Variants in TRIL observed in about 807,000 individuals in gnomAD.
The protein encoded by TRIL is TLR4 interactor with leucine rich repeats.
In TRIL, 23 loss-of-function variants were observed where a neutral mutation model predicts 43.0. The observed-to-expected ratio is 0.54, with a 90% CI of 0.39 to 0.76. TRIL has a LOEUF of 0.76. Ranked by LOEUF, TRIL falls within the 30% of genes least tolerant of loss-of-function variation. The probability of loss-of-function intolerance (pLI) is 0.00; values close to 1 mark genes in which losing one functional copy is unlikely to be tolerated. For synonymous variants in TRIL, 602 were observed against 556.8 expected, an observed-to-expected ratio of 1.08 and a Z score of -1.14; for missense variants, 1,114 against 1,139.3, an observed-to-expected ratio of 0.98 and a Z score of 0.32.
At position 28,955,893 on chromosome 7, in the gene TRIL, C is replaced by T. The variant is rs1262052271; in HGVS notation, c.2154G>A (p.Ala718=). 6.4e-7 allele frequency: 1 copy of T among 1,550,698 alleles called. No individual in the cohort carries two copies. Among genetic ancestry groups the T allele is most frequent in the Non-Finnish European group, 8.7e-7 (1 of 1,148,092 alleles). The part of the protein sequence containing the change: ...LLVLLALAAW[A]SRWLRRKLRA... ...GCAGTTTCCTACGCAGCCAGCGAGA[C>T]GCCCAGGCCGCCAAGGCCAGGAGCA... The change falls in exon 1 of 1, where the codon GCG becomes GCA. Residue 718 remains alanine (A), a synonymous_variant. Coordinates refer to ENST00000539664, the MANE Select transcript of TRIL (RefSeq NM_014817.4).
chr7:28,955,867 C>G lies in TRIL; in HGVS notation c.2180G>C (p.Arg727Pro), dbSNP rs1321406026. Reference sequence around the variant, plus strand: ...CGGGGCCCCGCCCTTCCGCCTAGCCCGCAGTTTCCTACGCAGCCAGCGAGA... The same window carrying G: ...CGGGGCCCCGCCCTTCCGCCTAGCCGGCAGTTTCCTACGCAGCCAGCGAGA... ...WASRWLRRKL[R>P]ARRKGGAPVH... Residue 727 changes from arginine (R) to proline (P), a missense_variant, in exon 1 of 1, where the codon CGG (arginine) becomes CCG (proline). Physicochemically the swap from Arg to Pro is moderately radical, Grantham distance 103. Transcript: ENST00000539664. 1.3e-6 allele frequency: 2 copies of G among 1,550,044 alleles called. No individual in the cohort carries two copies. The highest frequency in any genetic ancestry group is 1.2e-5 in the South Asian group (1 of 84,038).
chr7:28,953,623 G>A lies in TRIL; in HGVS notation c.*1988C>T, dbSNP rs1308269224. ...TAGTGCTATGATTGAAAAAAGCCAG[G>A]AGCACAAAAGGTGCCAGATAGCTCC... On this transcript the variant is annotated 3_prime_UTR_variant, in exon 1 of 1. Transcript: ENST00000539664. 6.6e-6 allele frequency: 1 copy of A among 152,166 alleles called. No homozygotes were observed. Among genetic ancestry groups the A allele is most frequent in the Non-Finnish European group, 1.5e-5 (1 of 68,038 alleles). The allele number at this position is 152,166 out of a possible 1,614,324, so 9.4% of individuals were successfully genotyped here.
rs1019526048 is a variant in TRIL, at chr7:28,955,457, T to C, written c.*154A>G. On this transcript the variant is annotated 3_prime_UTR_variant, in exon 1 of 1. Coordinates refer to ENST00000539664, the MANE Select transcript of TRIL (RefSeq NM_014817.4). The stretch of plus-strand genomic sequence containing the variant: ...GTACCATCCATTTACTTCTCGAGTA[T>C]TGGGAATTGGGGGATGGTGCCCGAA... 5.1e-5 allele frequency: 57 copies of C among 1,110,156 alleles called. No individual in the cohort carries two copies. In the Middle Eastern group the frequency reaches 8.9e-4, roughly 17 times the overall value. The allele number at this position is 1,110,156 out of a possible 1,614,324, so 68.8% of individuals were successfully genotyped here.
In TRIL at chr7:28,957,901, A is replaced by C; in HGVS notation, c.146T>G (p.Val49Gly). The change falls in exon 1 of 1, where the codon GTG (valine) becomes GGG (glycine). Residue 49 changes from valine to glycine, a missense_variant. Val to Gly is a moderately radical substitution (Grantham distance 109). Coordinates refer to ENST00000539664, the MANE Select transcript of TRIL (RefSeq NM_014817.4). ...LLCTNRGLRV[V>G]PKTSSLPSPH... is the part of the protein sequence containing the mutation. ...GCTCGGCAGCGAGCTGGTCTTGGGC[A>C]CTACGCGGAGCCCCCTGTTGGTGCA... The C allele has an allele frequency of 3.1e-6, 5 of 1,612,892 alleles. No homozygotes were observed. The highest frequency in any genetic ancestry group is 4.2e-6 in the Non-Finnish European group (5 of 1,179,826).
chr7:28,957,541 G>A lies in TRIL; in HGVS notation c.506C>T (p.Ala169Val), dbSNP rs1300045158. ...KLRLDGNALG[A>V]LPDAVFAPLG... ...GGGAGCGAAGACCGCGTCCGGCAGC[G>A]CCCCCAGGGCGTTCCCGTCCAGCCG... is the stretch of plus-strand genomic sequence containing the variant. The change falls in exon 1 of 1, where the codon GCG becomes GTG. Residue 169 changes from alanine to valine, a missense_variant. Transcript: ENST00000539664. 6.2e-7 allele frequency: 1 copy of A among 1,612,794 alleles called. No homozygotes were observed. The highest frequency in any genetic ancestry group is 1.1e-5 in the South Asian group (1 of 91,048).
rs1216430110 is a variant in TRIL, at chr7:28,957,042, G to C, written c.1005C>G (p.Asn335Lys). ...GRLRELSLRN[N>K]ALSALSGDIF... is the part of the protein sequence containing the mutation. Reference sequence around the variant, plus strand: ...TGTCCCCGGATAGGGCGCTGAGCGCGTTGTTGCGCAGGCTGAGCTCGCGCA... The same window carrying C: ...TGTCCCCGGATAGGGCGCTGAGCGCCTTGTTGCGCAGGCTGAGCTCGCGCA... Residue 335 changes from asparagine to lysine, a missense_variant, in exon 1 of 1, where the codon AAC (asparagine) becomes AAG (lysine). By Grantham distance (94) the Asn-to-Lys change is moderately conservative. Coordinates refer to ENST00000539664, the MANE Select transcript of TRIL (RefSeq NM_014817.4). 3 of 1,580,138 alleles carry C rather than the reference G, an allele frequency of 1.9e-6. No homozygotes were observed. The highest frequency in any genetic ancestry group is 2.6e-6 in the Non-Finnish European group (3 of 1,166,150).
In TRIL at chr7:28,956,213, G is replaced by A. The variant is rs1009878108; in HGVS notation, c.1834C>T (p.Pro612Ser). The A allele has an allele frequency of 6.4e-7, 1 of 1,560,540 alleles. No individual in the cohort carries two copies. The highest frequency in any genetic ancestry group is 8.7e-7 in the Non-Finnish European group (1 of 1,154,994). ...AAGCGCGCGCCGCCCAGCGGCCGGG[G>A]ACTGCGGTGCTCGCGCACGGCCCAG... ...VRWAVREHRSPRPLGGARFRL... is the reference protein window; with the variant it reads ...VRWAVREHRSSRPLGGARFRL... Residue 612 changes from proline (P) to serine (S), a missense_variant, in exon 1 of 1, where the codon CCC (proline) becomes TCC (serine). Transcript: ENST00000539664.
Position 28,956,894 on chromosome 7 carries a change from T to G in TRIL, c.1153A>C (p.Thr385Pro). ...GGGTGGCGACACTGCACGAAGACAGTGAGGAGCCGGCCCTGCGAGTGCCAG... is the reference window on the plus strand; with the variant it reads ...GGGTGGCGACACTGCACGAAGACAGGGAGGAGCCGGCCCTGCGAGTGCCAG... ...GDWHSQGRLLTVFVQCRHPPA... is the reference protein window; with the variant it reads ...GDWHSQGRLLPVFVQCRHPPA... The change falls in exon 1 of 1, where the codon ACT becomes CCT. Residue 385 changes from threonine (T) to proline (P), a missense_variant. Thr to Pro is a conservative substitution (Grantham distance 38). Transcript: ENST00000539664. 1 of 1,609,018 alleles carries G rather than the reference T, an allele frequency of 6.2e-7. No homozygotes were observed. Among genetic ancestry groups the G allele is most frequent in the Non-Finnish European group, 8.5e-7 (1 of 1,177,924 alleles).
chr7:28,957,566 G>T lies in TRIL; in HGVS notation c.481C>A (p.Arg161=), dbSNP rs1294272516. 3.1e-6 allele frequency: 5 copies of T among 1,611,986 alleles called. No homozygotes were observed. The highest frequency in any genetic ancestry group is 2.7e-5 in the African/African-American group (2 of 74,920). ...GCCCCCAGGGCGTTCCCGTCCAGCCGCAGCTTGACTAGACTCTCCAGGCCC... is the reference window on the plus strand; with the variant it reads ...GCCCCCAGGGCGTTCCCGTCCAGCCTCAGCTTGACTAGACTCTCCAGGCCC... ...FEGLESLVKL[R]LDGNALGALP... Residue 161 remains arginine, a synonymous_variant, in exon 1 of 1, where the codon CGG becomes AGG. Coordinates refer to ENST00000539664, the MANE Select transcript of TRIL (RefSeq NM_014817.4).
chr7:28,956,685 C>G lies in TRIL; in HGVS notation c.1362G>C (p.Pro454=), dbSNP rs1250482758. ...GAAATCGCCCCTGCTGCTGGAGCTG[C>G]GGCTGCGGCGGCAGCTCCTCCGCGA... ...AGLAEELPPQ[P]QLQQQGRFLA... is the part of the protein sequence containing the mutation. The change falls in exon 1 of 1, where the codon CCG becomes CCC. Residue 454 remains proline, a synonymous_variant. Transcript: ENST00000539664. 3.2e-6 allele frequency: 5 copies of G among 1,583,016 alleles called. No individual in the cohort carries two copies. In the Admixed American group the frequency reaches 8.8e-5, roughly 28 times the overall value.
chr7:28,956,589 C>A lies in TRIL; in HGVS notation c.1458G>T (p.Arg486=). 6.4e-7 allele frequency: 1 copy of A among 1,558,424 alleles called. No individual in the cohort carries two copies. Among genetic ancestry groups the A allele is most frequent in the Non-Finnish European group, 8.6e-7 (1 of 1,160,108 alleles). The stretch of plus-strand genomic sequence containing the variant: ...TGGGCTGCTGGAGGCCCGGGCCCCG[C>A]CGACTCAGCCTTAGGGCGCTGCGGT... ...VGNRSALRLS[R]RGPGLQQPSP... Residue 486 remains arginine (R), a synonymous_variant, in exon 1 of 1, where the codon CGG becomes CGT. Transcript: ENST00000539664.
In TRIL at chr7:28,957,643, A is replaced by ATGCGCAGCT; in HGVS notation, c.395_403dup (p.Lys132_Arg134dup). The ATGCGCAGCT allele has an allele frequency of 6.2e-7, 1 of 1,610,572 alleles. No homozygotes were observed. The highest frequency in any genetic ancestry group is 8.5e-7 in the Non-Finnish European group (1 of 1,178,600). ...GATCTCGTTCCCGTTGGCGTAGAGG[A>ATGCGCAGCT]TGCGCAGCTTGCGCAGCGGGGCCAG... On this transcript the variant is annotated inframe_insertion, in exon 1 of 1. Coordinates refer to ENST00000539664, the MANE Select transcript of TRIL (RefSeq NM_014817.4).
At position 28,957,984 on chromosome 7, in the gene TRIL, C is replaced by T. The variant is rs1209786286; in HGVS notation, c.63G>A (p.Pro21=). Residue 21 remains proline, a synonymous_variant, in exon 1 of 1, where the codon CCG becomes CCA. Transcript: ENST00000539664. ...LVVCGCLALP[P]LAEPVCPERC... Reference sequence around the variant, plus strand: ...GCTCCGGGCACACGGGCTCGGCCAGCGGCGGGAGCGCGAGGCAGCCGCACA... The same window carrying T: ...GCTCCGGGCACACGGGCTCGGCCAGTGGCGGGAGCGCGAGGCAGCCGCACA... 6.2e-7 allele frequency: 1 copy of T among 1,600,006 alleles called. No homozygotes were observed.
rs1379183947 is a variant in TRIL, at chr7:28,956,262, C to G, written c.1785G>C (p.Val595=). Residue 595 remains valine (V), a synonymous_variant, in exon 1 of 1, where the codon GTG becomes GTC. Transcript: ENST00000539664. ...FILCNLTVEA[V]GADSASVRWA... The stretch of plus-strand genomic sequence containing the variant: ...AGCGCACCGAGGCGCTGTCTGCGCC[C>G]ACCGCCTCCACCGTCAGGTTGCACA... The G allele has an allele frequency of 6.5e-7, 1 of 1,546,234 alleles. No individual in the cohort carries two copies. Among genetic ancestry groups the G allele is most frequent in the South Asian group, 1.2e-5 (1 of 84,264 alleles).
Position 28,957,258 on chromosome 7 carries a change from G to A in TRIL, c.789C>T (p.Asn263=). The change falls in exon 1 of 1, where the codon AAC becomes AAT. Residue 263 remains asparagine, a synonymous_variant. Coordinates refer to ENST00000539664, the MANE Select transcript of TRIL (RefSeq NM_014817.4). ...PRLGLLSLRG[N]QLTHLAPEAF... ...CCTCAGGCGCGAGGTGCGTGAGCTGGTTGCCCCTGAGCGAGAGCAGGCCGA... is the reference window on the plus strand; with the variant it reads ...CCTCAGGCGCGAGGTGCGTGAGCTGATTGCCCCTGAGCGAGAGCAGGCCGA... 1 of 1,609,092 alleles carries A rather than the reference G, an allele frequency of 6.2e-7. No homozygotes were observed. Among genetic ancestry groups the A allele is most frequent in the Non-Finnish European group, 8.5e-7 (1 of 1,179,704 alleles).
In TRIL at chr7:28,958,004, C is replaced by G; in HGVS notation, c.43G>C (p.Gly15Arg). The change falls in exon 1 of 1, where the codon GGC (glycine) becomes CGC (arginine). Residue 15 changes from glycine to arginine, a missense_variant. Transcript: ENST00000539664. ...RALRLLLVVC[G>R]CLALPPLAEP... ...GCCAGCGGCGGGAGCGCGAGGCAGC[C>G]GCACACCACGAGCAGGAGGCGCAAG... 6.3e-7 allele frequency: 1 copy of G among 1,594,250 alleles called. No homozygotes were observed. The highest frequency in any genetic ancestry group is 8.5e-7 in the Non-Finnish European group (1 of 1,176,388).
In TRIL at chr7:28,956,782, G is replaced by A; in HGVS notation, c.1265C>T (p.Ser422Phe). 6.2e-7 allele frequency: 1 copy of A among 1,610,482 alleles called. No homozygotes were observed. The highest frequency in any genetic ancestry group is 1.1e-5 in the South Asian group (1 of 90,942). ...CTGCCGCCTGCGGTCAGCGGTCAGG[G>A]AAGCTGAGGGCGAGGGATCCGCGCA... ...GSCADPSPSA[S>F]LTADRRRQPL... The change falls in exon 1 of 1, where the codon TCC (serine) becomes TTC (phenylalanine). Residue 422 changes from serine (S) to phenylalanine (F), a missense_variant. Physicochemically the swap from Ser to Phe is radical, Grantham distance 155. Transcript: ENST00000539664.
In TRIL at chr7:28,955,646, G is replaced by A. The variant is rs1173818871; in HGVS notation, c.2401C>T (p.Arg801Trp). The A allele has an allele frequency of 6.5e-7, 1 of 1,546,184 alleles. No individual in the cohort carries two copies. Among genetic ancestry groups the A allele is most frequent in the South Asian group, 1.2e-5 (1 of 83,934 alleles). ...AATCGCTGCAGGAGACGGTCCTCCC[G>A]TCTCAGGCTGCCGCCCGCGCCGCCG... ...AGGGAGGSLR[R>W]EDRLLQRFAD Residue 801 changes from arginine (R) to tryptophan (W), a missense_variant, in exon 1 of 1, where the codon CGG (arginine) becomes TGG (tryptophan). Transcript: ENST00000539664.
In TRIL at chr7:28,957,210, C is replaced by A; in HGVS notation, c.837G>T (p.Leu279=). 6.2e-7 allele frequency: 1 copy of A among 1,603,188 alleles called. No individual in the cohort carries two copies. Residue 279 remains leucine, a synonymous_variant, in exon 1 of 1, where the codon CTG becomes CTT. Transcript: ENST00000539664. Reference sequence around the variant, plus strand: ...GATTACCCTCCAGGCGCAGCTCGCGCAGGGCCTCCAAGCCCCAAAAGGCCT... The same window carrying A: ...GATTACCCTCCAGGCGCAGCTCGCGAAGGGCCTCCAAGCCCCAAAAGGCCT... ...APEAFWGLEA[L]RELRLEGNRL...
Sources: allele counts gnomAD v4.1 joint callset, GRCh38; gene constraint gnomAD v4.1.1; transcripts MANE v1.5; gene names NCBI Gene and HGNC (gene_info 2026-07-23, HGNC 2026-07-21).